The following ATP10B variants were observed in gnomAD, a reference collection of about 807,000 sequenced individuals.
The protein encoded by ATP10B is ATPase phospholipid transporting 10B (putative).
ATP10B carries 122 observed loss-of-function variants against 141.2 expected under a neutral mutation model. The ratio of observed to expected loss-of-function variants is 0.86; its 90% CI spans 0.75 to 1.00. The LOEUF (loss-of-function observed/expected upper bound fraction) is 1.00, where lower values mean the gene tolerates loss of function less well. ATP10B is among the 50% of genes least tolerant of loss of function. The pLI, the probability that ATP10B is intolerant of heterozygous loss-of-function variation, is 0.00. For synonymous variants in ATP10B, 685 were observed against 692.0 expected, an observed-to-expected ratio of 0.99 and a Z score of 0.16; for missense variants, 1,876 against 1,825.3, an observed-to-expected ratio of 1.03 and a Z score of -0.51.
chr5:160,632,179 T>C lies in ATP10B; in HGVS notation c.1570A>G (p.Met524Val), dbSNP rs370974669. 49 of 1,614,100 alleles carry C rather than the reference T, an allele frequency of 3.0e-5. No homozygotes were observed. The highest frequency in any genetic ancestry group is 4.5e-5 in the East Asian group (2 of 44,894). ...PIQGHYRQRS[M>V]GHRESSQPPV... is the part of the protein sequence containing the mutation. ...GGCTGTGAGCTTTCACGGTGCCCCA[T>C]AGACCTTTGCCGGTAGTGGCCCTGG... Residue 524 changes from methionine (M) to valine (V), a missense_variant, in exon 13 of 26, where the codon ATG becomes GTG. Met to Val is a conservative substitution (Grantham distance 21). Transcript: ENST00000327245.
At chr5:160,817,680 C>T (rs180717382) in intron 1 of ATP10B, among the ~76,000 whole-genome samples, 2,048 of 152,176 alleles carry the variant, frequency 0.013, 22 homozygotes, top group Non-Finnish European at 0.02. Flanking sequence ...AAAAAGAGCC[C>T]GCATTGCCAA....
intron 13 of ATP10B, among the ~76,000 whole-genome samples, chr5:160,631,413 C>G: frequency 6.6e-6 from 1 of 152,172 alleles, no homozygotes; most frequent in East Asian, 1.9e-4. Context: ...CCTAGTGGAT[C>G]AAATGTGAAA....
chr5:160,605,451 C>T (rs1403552149), intron 19 of ATP10B, among the ~76,000 whole-genome samples: 1 of 152,206 alleles, frequency 6.6e-6, no homozygotes, highest in African/African-American at 2.4e-5. Context: ...TTTCTCGCCA[C>T]ACTGGTTTTG....
rs532116549 is a variant in ATP10B, at chr5:160,588,760, G to A, written c.3750+832C>T. Among the ~76,000 whole-genome samples the A allele has an allele frequency of 2.0e-5, 3 of 152,298 alleles. No homozygotes were observed. In the East Asian group the frequency reaches 5.8e-4, roughly 29 times the overall value. On this transcript the variant is annotated intron_variant, in intron 24 of 25. Transcript: ENST00000327245. The stretch of plus-strand genomic sequence containing the variant: ...ATAATACACGCTAATCATGTAGAGA[G>A]ACACTTGGTATAGACAGAATTGTAA...
At chr5:160,745,316 A>G (rs773276698) in intron 2 of ATP10B, among the ~76,000 whole-genome samples, 2 of 152,242 alleles carry the variant, frequency 1.3e-5, no homozygotes, top group Non-Finnish European at 2.9e-5. Context: ...AAGACTAAAT[A>G]TCATTCAGTA....
At chr5:160,790,501 G>A (rs1041624015) in intron 1 of ATP10B, among the ~76,000 whole-genome samples, 8 of 152,156 alleles carry the variant, frequency 5.3e-5, no homozygotes, top group Non-Finnish European at 1.0e-4. Context: ...TTATGAGTTG[G>A]TGCACAACTC....
intron 8 of ATP10B, among the ~76,000 whole-genome samples, chr5:160,646,615 T>C (rs990603283): frequency 1.3e-5 from 2 of 152,172 alleles, no homozygotes; most frequent in African/African-American, 4.8e-5. Flanking sequence ...TCCTTCTGTT[T>C]ATTAAGGAGG....
At chr5:160,627,844 C>A (rs1295901772) in intron 13 of ATP10B, among the ~76,000 whole-genome samples, 1 of 152,220 alleles carries the variant, frequency 6.6e-6, no homozygotes, top group Non-Finnish European at 1.5e-5. Context: ...ATATGCCATA[C>A]TTGTCTGTTT....
chr5:160,595,295 G>T (rs556161305), intron 22 of ATP10B, among the ~76,000 whole-genome samples: 2 of 151,828 alleles, frequency 1.3e-5, no homozygotes, highest in East Asian at 3.9e-4. Flanking sequence ...ATGACTACTG[G>T]GTACATAACG....
intron 1 of ATP10B, among the ~76,000 whole-genome samples, chr5:160,827,289 CT>C (rs1267961513): frequency 2.0e-5 from 3 of 152,266 alleles, no homozygotes; most frequent in Admixed American, 6.5e-5. Context: ...GCAGGTTCCC[CT>C]GATACCTTTT....
chr5:160,616,068 C>T, intron 16 of ATP10B, 104 bp from the exon 17 acceptor site: 1 of 1,248,422 alleles, frequency 8.0e-7, no homozygotes, highest in Non-Finnish European at 1.1e-6. Context: ...TTTGAACTTC[C>T]CTACATAATT....
At chr5:160,651,013 A>C (rs1297257872) in intron 7 of ATP10B, among the ~76,000 whole-genome samples, 1 of 152,186 alleles carries the variant, frequency 6.6e-6, no homozygotes, top group East Asian at 1.9e-4. Context: ...AAATGCTGTG[A>C]AAATAGTAGC....
At chr5:160,790,102 G>A (rs1439181463) in intron 1 of ATP10B, among the ~76,000 whole-genome samples, 2 of 152,084 alleles carry the variant, frequency 1.3e-5, no homozygotes, top group African/African-American at 4.8e-5. Flanking sequence ...ATCCCCCAGA[G>A]GACTACTCAT....
intron 8 of ATP10B, among the ~76,000 whole-genome samples, chr5:160,645,265 C>G (rs79844277): frequency 6.6e-6 from 1 of 152,318 alleles, no homozygotes; most frequent in East Asian, 1.9e-4. Context: ...CAAGGACTGG[C>G]AGTGTTCACA....
chr5:160,783,919 T>C (rs995646955), intron 2 of ATP10B, among the ~76,000 whole-genome samples: 9 of 152,144 alleles, frequency 5.9e-5, no homozygotes, highest in Non-Finnish European at 2.9e-5. Flanking sequence ...TTTTTGATTA[T>C]GGCCATTCTT....
At chr5:160,596,282 A>T (rs910028857) in intron 22 of ATP10B, among the ~76,000 whole-genome samples, 5 of 152,200 alleles carry the variant, frequency 3.3e-5, no homozygotes, top group Admixed American at 3.3e-4. Context: ...ACAGAACCAA[A>T]GACAAAAACC....
chr5:160,726,746 A>G (rs563196971), intron 2 of ATP10B, among the ~76,000 whole-genome samples: 7 of 150,634 alleles, frequency 4.6e-5, no homozygotes, highest in Admixed American at 4.6e-4. Flanking sequence ...ATTGGGTACT[A>G]TGAAAGGAAA....
chr5:160,578,422 A>G (rs567130246), intron 24 of ATP10B, among the ~76,000 whole-genome samples: 2 of 152,124 alleles, frequency 1.3e-5, no homozygotes, highest in African/African-American at 4.8e-5. Context: ...CTCACTTATG[A>G]GTGAGAACAT....
At chr5:160,744,253 G>T (rs929248010) in intron 2 of ATP10B, among the ~76,000 whole-genome samples, 1 of 152,134 alleles carries the variant, frequency 6.6e-6, no homozygotes, top group South Asian at 2.1e-4. Flanking sequence ...ACACCCTCTG[G>T]CCTGAGGCTC....
Sources: gnomAD v4.1 joint callset for allele counts (sites outside exome capture counted in the v4.1 genomes callset) on GRCh38, gnomAD v4.1.1 for gene constraint, MANE v1.5 for transcripts, NCBI Gene and HGNC (gene_info 2026-07-23, HGNC 2026-07-21) for gene names.